Variants in PLA2G7 observed in about 807,000 individuals in gnomAD.
PLA2G7 encodes the protein platelet-activating factor acetylhydrolase.
Under a neutral mutation model 49.6 loss-of-function variants are expected in PLA2G7, and 63 were observed. That is an observed-to-expected ratio of 1.27 (90% CI 1.04 to 1.57). The LOEUF is 1.57. PLA2G7 is among the 40% of genes most tolerant of loss of function. The pLI is 0.00. For synonymous variants in PLA2G7, 193 were observed against 169.9 expected, an observed-to-expected ratio of 1.14 and a Z score of -1.06; for missense variants, 596 against 521.2, an observed-to-expected ratio of 1.14 and a Z score of -1.40.
chr6:46,732,087 C>T (rs1562082453), intron 1 of PLA2G7, among the ~76,000 whole-genome samples: 1 of 152,142 alleles, frequency 6.6e-6, no homozygotes, highest in Non-Finnish European at 1.5e-5. Context: ...CCAAATGTTT[C>T]CCTTGGCCTA....
intron 1 of PLA2G7, among the ~76,000 whole-genome samples, chr6:46,728,509 G>T (rs570646364): frequency 1.3e-5 from 2 of 152,220 alleles, no homozygotes; most frequent in East Asian, 3.8e-4. Flanking sequence ...TTCTAGGGAG[G>T]CAGATGCATG....
chr6:46,734,990 T>C (rs887190045), intron 1 of PLA2G7, among the ~76,000 whole-genome samples, 190 bp downstream of exon 1: 4 of 152,132 alleles, frequency 2.6e-5, no homozygotes, highest in Non-Finnish European at 5.9e-5. Context: ...CGTCATCCTC[T>C]CCCTCTCCCC....
At chr6:46,707,219 G>A (rs144258079) in intron 10 of PLA2G7, among the ~76,000 whole-genome samples, 3 of 152,208 alleles carry the variant, frequency 2.0e-5, no homozygotes, top group Admixed American at 2.0e-4. Flanking sequence ...GGTCTCAGTC[G>A]ATAATCTGAC....
At chr6:46,729,842 G>A (rs1765682889) in intron 1 of PLA2G7, among the ~76,000 whole-genome samples, 1 of 152,140 alleles carries the variant, frequency 6.6e-6, no homozygotes, top group Non-Finnish European at 1.5e-5. Context: ...CTGGAGTGGG[G>A]GCATAAATCA....
chr6:46,714,580 A>G (rs768388776), intron 4 of PLA2G7, 27 bp from the exon 5 acceptor site: 4 of 1,354,758 alleles, frequency 3.0e-6, no homozygotes, highest in Non-Finnish European at 4.2e-6. Context: ...GGTTATAGTT[A>G]AGGTTTTCTC....
rs1398751202 is a variant in PLA2G7, at chr6:46,716,993, C to T, written c.213G>A (p.Met71Ile). 1.2e-6 allele frequency: 2 copies of T among 1,613,700 alleles called. No individual in the cohort carries two copies. Among genetic ancestry groups the T allele is most frequent in the East Asian group, 4.5e-5 (2 of 44,866 alleles). ...GCATTACCTTATTAGTGTGATCAAA[C>T]ATTAAGTCTGTACAACCAACGGAAT... ...GPYSVGCTDLMFDHTNKGTFL... is the reference protein window; with the variant it reads ...GPYSVGCTDLIFDHTNKGTFL... The change falls in exon 3 of 12, where the codon ATG becomes ATA. Residue 71 changes from methionine (M) to isoleucine (I), a missense_variant. Transcript: ENST00000274793.
intron 10 of PLA2G7, among the ~76,000 whole-genome samples, chr6:46,707,397 A>G (rs1764863054): frequency 6.6e-6 from 1 of 152,198 alleles, no homozygotes; most frequent in Non-Finnish European, 1.5e-5. Context: ...CCACCAAATC[A>G]CATGTCAAAT....
intron 5 of PLA2G7, among the ~76,000 whole-genome samples, chr6:46,713,560 G>T (rs935418776): frequency 6.6e-6 from 1 of 152,166 alleles, no homozygotes; most frequent in African/African-American, 2.4e-5. Flanking sequence ...ATAGCTAGCT[G>T]AACTACATTT....
At position 46,707,976 on chromosome 6, in the gene PLA2G7, G is replaced by A; in HGVS notation, c.1040+15C>T. On this transcript the variant is annotated intron_variant, in intron 10 of 11. Transcript: ENST00000274793. Reference sequence around the variant, plus strand: ...AAGTTTGTTTCACATAATGAAATAAGTCACTAATACTTACCTGATTGTAAT... The same window carrying A: ...AAGTTTGTTTCACATAATGAAATAAATCACTAATACTTACCTGATTGTAAT... 1.3e-6 allele frequency: 2 copies of A among 1,498,060 alleles called. No homozygotes were observed. The highest frequency in any genetic ancestry group is 1.9e-6 in the Non-Finnish European group (2 of 1,078,520). 92.8% of individuals were successfully genotyped at this position (1,498,060 alleles called of 1,614,324 possible). A position where few individuals can be genotyped will look rare whatever the true frequency, so the allele number is the denominator to read the frequency against.
intron 2 of PLA2G7, among the ~76,000 whole-genome samples, chr6:46,718,065 A>G (rs1582576166): frequency 6.6e-6 from 1 of 152,054 alleles, no homozygotes; most frequent in South Asian, 2.1e-4. Context: ...GATCTCCACA[A>G]TATATCGCTG....
chr6:46,710,458 T>C (rs1339242147), intron 8 of PLA2G7, 87 bp downstream of exon 8: 1 of 860,030 alleles, frequency 1.2e-6, no homozygotes, highest in Non-Finnish European at 2.0e-6. Context: ...CTTTATCATA[T>C]TGTACCTTGC....
chr6:46,732,545 A>C (rs1204877806), intron 1 of PLA2G7, among the ~76,000 whole-genome samples: 1 of 152,186 alleles, frequency 6.6e-6, no homozygotes, highest in Non-Finnish European at 1.5e-5. Context: ...CCTGGCACTT[A>C]GGATCTGATC....
At chr6:46,720,875 T>C (rs938040932) in intron 2 of PLA2G7, among the ~76,000 whole-genome samples, 15 of 152,328 alleles carry the variant, frequency 9.8e-5, no homozygotes, top group Middle Eastern at 6.8e-3. Context: ...TGGCTTTATG[T>C]CCTCCATTAG....
chr6:46,717,175 T>C lies in PLA2G7; in HGVS notation c.110-79A>G, dbSNP rs562278528. ...ATTATGCAAAAGAATTCCAACGGAATCAAGTTACTTCCCATAGTTTCTGGC... is the reference window on the plus strand; with the variant it reads ...ATTATGCAAAAGAATTCCAACGGAACCAAGTTACTTCCCATAGTTTCTGGC... On this transcript the variant is annotated intron_variant, in intron 2 of 11. Coordinates refer to ENST00000274793, the MANE Select transcript of PLA2G7 (RefSeq NM_005084.4). 3.0e-5 allele frequency: 38 copies of C among 1,270,566 alleles called. No homozygotes were observed. The African/African-American group carries it at 5.3e-4, about 18-fold the overall frequency. 78.7% of individuals were successfully genotyped at this position (1,270,566 alleles called of 1,614,324 possible). A position where few individuals can be genotyped will look rare whatever the true frequency, so the allele number is the denominator to read the frequency against.
chr6:46,716,698 C>G (rs1036922546), intron 3 of PLA2G7, among the ~76,000 whole-genome samples, 170 bp from the exon 4 acceptor site: 1 of 152,076 alleles, frequency 6.6e-6, no homozygotes, highest in African/African-American at 2.4e-5. Flanking sequence ...GAAAGAGAAA[C>G]AGAAAAACAA....
intron 2 of PLA2G7, among the ~76,000 whole-genome samples, chr6:46,721,515 C>T (rs1030783635): frequency 2.0e-5 from 3 of 151,688 alleles, no homozygotes; most frequent in Non-Finnish European, 2.9e-5. Context: ...TTACCCTGTA[C>T]CAATTAAAAG....
chr6:46,719,811 T>C (rs1248424191), intron 2 of PLA2G7, among the ~76,000 whole-genome samples: 1 of 152,222 alleles, frequency 6.6e-6, no homozygotes, highest in Non-Finnish European at 1.5e-5. Flanking sequence ...TGCTGTTTAC[T>C]CCTTCCCCAG....
In PLA2G7 at chr6:46,733,271, A is replaced by T. The variant is rs1162352078; in HGVS notation, c.-35+1909T>A. On this transcript the variant is annotated intron_variant, in intron 1 of 11. Transcript: ENST00000274793. ...TCCTCACAACAAAAGTGCAAAGGGG[A>T]CAGAGACACAATGGAGAGGAAATGA... Among the ~76,000 whole-genome samples the T allele has an allele frequency of 5.3e-5, 8 of 152,176 alleles. No individual in the cohort carries two copies. In the East Asian group the frequency reaches 5.8e-4, roughly 11 times the overall value.
chr6:46,731,068 A>G (rs75406890), intron 1 of PLA2G7, among the ~76,000 whole-genome samples: 15 of 152,304 alleles, frequency 9.8e-5, no homozygotes, highest in East Asian at 3.9e-4. Flanking sequence ...AATGAGGAAG[A>G]GCTTTTTTTC....
Sources: gnomAD v4.1 joint callset for allele counts (sites outside exome capture counted in the v4.1 genomes callset) on GRCh38, gnomAD v4.1.1 for gene constraint, MANE v1.5 for transcripts, NCBI Gene and HGNC (gene_info 2026-07-23, HGNC 2026-07-21) for gene names.